DPY19L3: variants seen among roughly 807,000 people sequenced by gnomAD.
DPY19L3 encodes protein C-mannosyl-transferase DPY19L3.
A neutral mutation model predicts 92.3 loss-of-function variants in DPY19L3; 51 were observed. That is an observed-to-expected ratio of 0.55 (90% CI 0.44 to 0.70). DPY19L3 has a LOEUF of 0.70. Ranked by LOEUF, DPY19L3 falls within the 30% of genes least tolerant of loss-of-function variation. The probability of loss-of-function intolerance (pLI) is 0.00; values close to 1 mark genes in which losing one functional copy is unlikely to be tolerated. For synonymous variants in DPY19L3, 309 were observed against 315.2 expected, an observed-to-expected ratio of 0.98 and a Z score of 0.21; for missense variants, 706 against 855.9, an observed-to-expected ratio of 0.82 and a Z score of 2.18.
chr19:32,425,173 T>G (rs1968714979), intron 3 of DPY19L3, among the ~76,000 whole-genome samples: 1 of 152,048 alleles, frequency 6.6e-6, no homozygotes, highest in African/African-American at 2.4e-5. Flanking sequence ...AGGCCAAAAC[T>G]TCATAGAGAC....
intron 13 of DPY19L3, 133 bp downstream of exon 13, chr19:32,463,621 TTC>T: frequency 9.0e-7 from 1 of 1,116,180 alleles, no homozygotes; most frequent in Non-Finnish European, 1.3e-6. Context: ...ATATCCTATC[TTC>T]TCTCAGTATA....
At chr19:32,436,348 C>T in intron 4 of DPY19L3, 98 bp from the exon 5 acceptor site, 1 of 894,892 alleles carries the variant, frequency 1.1e-6, no homozygotes, top group East Asian at 3.1e-5. Flanking sequence ...ATGCCTACCA[C>T]AGTCTCTAGC....
intron 3 of DPY19L3, among the ~76,000 whole-genome samples, chr19:32,431,685 G>A (rs1351537885): frequency 1.3e-5 from 2 of 152,100 alleles, no homozygotes; most frequent in African/African-American, 2.4e-5. Flanking sequence ...CACATAGCCT[G>A]AAGGTGATTT....
chr19:32,414,620 G>A (rs1227645270), intron 3 of DPY19L3, among the ~76,000 whole-genome samples: 1 of 151,492 alleles, frequency 6.6e-6, no homozygotes, highest in African/African-American at 2.4e-5. Flanking sequence ...AGCTTGTAAA[G>A]CGATTCCCTA....
At chr19:32,435,648 G>A (rs890912136) in intron 4 of DPY19L3, among the ~76,000 whole-genome samples, 2 of 152,172 alleles carry the variant, frequency 1.3e-5, no homozygotes, top group African/African-American at 4.8e-5. Context: ...TGCCAAGGCA[G>A]TAGGTGAGAA....
At chr19:32,480,595 G>A (rs756849549) in intron 18 of DPY19L3, 38 bp downstream of exon 18, 1 of 1,590,786 alleles carries the variant, frequency 6.3e-7, no homozygotes. Context: ...GGGTCTCCTG[G>A]AGGGGCGGGA....
intron 12 of DPY19L3, among the ~76,000 whole-genome samples, chr19:32,461,289 C>T (rs1019920278): frequency 2.6e-5 from 4 of 152,150 alleles, no homozygotes; most frequent in Non-Finnish European, 4.4e-5. Context: ...CTGCACCCTG[C>T]CAGATACTAT....
At chr19:32,416,296 C>T (rs1391517260) in intron 3 of DPY19L3, among the ~76,000 whole-genome samples, 1 of 152,162 alleles carries the variant, frequency 6.6e-6, no homozygotes, top group East Asian at 1.9e-4. Context: ...TCCTTAGCAG[C>T]GGGGTGGATG....
At chr19:32,446,814 CAG>C in intron 8 of DPY19L3, among the ~76,000 whole-genome samples, 1 of 152,254 alleles carries the variant, frequency 6.6e-6, no homozygotes, top group Non-Finnish European at 1.5e-5. Flanking sequence ...GAACACCAGA[CAG>C]AAAATCATCA....
chr19:32,469,048 A>G, intron 16 of DPY19L3: 1 of 284,696 alleles, frequency 3.5e-6, no homozygotes, highest in Non-Finnish European at 6.4e-6. Context: ...GGAGAGGAAA[A>G]CCGATTCAAT....
At chr19:32,468,553 C>A (rs896714538) in intron 15 of DPY19L3, 178 bp from the exon 16 acceptor site, 1 of 1,258,948 alleles carries the variant, frequency 7.9e-7, no homozygotes, top group South Asian at 2.9e-5. Flanking sequence ...ACTTCCCAGG[C>A]GCTAGTTCCC....
intron 3 of DPY19L3, among the ~76,000 whole-genome samples, chr19:32,415,650 G>T (rs1203433988): frequency 1.3e-5 from 2 of 152,160 alleles, no homozygotes; most frequent in Non-Finnish European, 2.9e-5. Flanking sequence ...TTTGGGGAGA[G>T]CAAAACTAAA....
At chr19:32,480,720 A>G in intron 18 of DPY19L3, 163 bp downstream of exon 18, 1 of 984,822 alleles carries the variant, frequency 1.0e-6, no homozygotes, top group East Asian at 2.7e-5. Context: ...CTCTCTTGGC[A>G]CTTTAGTGAC....
At chr19:32,412,467 CAG>C (rs1043757062) in intron 3 of DPY19L3, 2 of 128,120 alleles carry the variant, frequency 1.6e-5, no homozygotes, top group African/African-American at 5.7e-5. Flanking sequence ...AAAAAAAAAA[CAG>C]AAAAGGAAAT....
intron 12 of DPY19L3, among the ~76,000 whole-genome samples, chr19:32,461,974 C>G (rs1283227762): frequency 2.6e-5 from 4 of 152,160 alleles, no homozygotes; most frequent in African/African-American, 9.7e-5. Flanking sequence ...TCAGTGGATG[C>G]CTGAAACCTC....
intron 16 of DPY19L3, among the ~76,000 whole-genome samples, chr19:32,474,724 G>A (rs1970455031): frequency 2.6e-5 from 4 of 152,094 alleles, no homozygotes; most frequent in African/African-American, 9.7e-5. Context: ...CTGAGTAGCT[G>A]GCATTACAGG....
chr19:32,431,533 G>A (rs1203121893), intron 3 of DPY19L3, among the ~76,000 whole-genome samples: 4 of 152,168 alleles, frequency 2.6e-5, no homozygotes, highest in African/African-American at 9.7e-5. Flanking sequence ...TACAGGTTAA[G>A]TATCCCTCAT....
chr19:32,455,162 G>A (rs763522644), intron 10 of DPY19L3, 122 bp downstream of exon 10: 61 of 669,484 alleles, frequency 9.1e-5, no homozygotes, highest in Non-Finnish European at 1.3e-4. Context: ...GGGTCTTGCC[G>A]TTTCCTAGGC....
intron 16 of DPY19L3, among the ~76,000 whole-genome samples, chr19:32,471,230 A>G (rs373699811): frequency 2.6e-5 from 4 of 152,220 alleles, no homozygotes; most frequent in South Asian, 4.1e-4. Flanking sequence ...TTTCAGACGC[A>G]TGGGCTGTGT....
Sources: allele counts gnomAD v4.1 joint callset (sites outside exome capture counted in the v4.1 genomes callset), GRCh38; gene constraint gnomAD v4.1.1; transcripts MANE v1.5; gene names NCBI Gene and HGNC (gene_info 2026-07-23, HGNC 2026-07-21).